The following KIF26B variants were observed in gnomAD, a reference collection of about 807,000 sequenced individuals.
KIF26B encodes kinesin family member 26B.
KIF26B carries 63 observed loss-of-function variants against 151.2 expected under a neutral mutation model. The ratio of observed to expected loss-of-function variants is 0.42; its 90% CI spans 0.34 to 0.51. KIF26B has a LOEUF of 0.51. KIF26B is among the 20% of genes least tolerant of loss of function. KIF26B has a pLI of 0.07. For synonymous variants in KIF26B, 1,357 were observed against 1,262.1 expected (o/e 1.08, Z -1.59); for missense variants, 2,813 against 2,913.6 (o/e 0.97, Z 0.79).
At chr1:245,528,000 C>T (rs1661278156) in intron 4 of KIF26B, among the ~76,000 whole-genome samples, 1 of 151,964 alleles carries the variant, frequency 6.6e-6, no homozygotes, top group Admixed American at 6.6e-5. Context: ...TGGGGGTGGG[C>T]AGATCAGGCC....
At chr1:245,338,860 C>T (rs1196502278) in intron 2 of KIF26B, among the ~76,000 whole-genome samples, 1 of 152,042 alleles carries the variant, frequency 6.6e-6, no homozygotes, top group East Asian at 1.9e-4. Flanking sequence ...TCCTAGCAGT[C>T]AGAAGGATTC....
At chr1:245,522,085 G>A (rs1247894939) in intron 4 of KIF26B, among the ~76,000 whole-genome samples, 1 of 152,106 alleles carries the variant, frequency 6.6e-6, no homozygotes, top group Admixed American at 6.6e-5. Context: ...TAGCCAGGAT[G>A]GTCTCGATCT....
At chr1:245,232,318 G>T (rs1033446759) in intron 2 of KIF26B, among the ~76,000 whole-genome samples, 8 of 152,146 alleles carry the variant, frequency 5.3e-5, no homozygotes, top group Non-Finnish European at 1.0e-4. Context: ...AGATGAAAGG[G>T]TTTTCTAAGA....
At chr1:245,616,328 A>G (rs2043590204) in intron 9 of KIF26B, among the ~76,000 whole-genome samples, 2 of 152,196 alleles carry the variant, frequency 1.3e-5, no homozygotes, top group African/African-American at 4.8e-5. Flanking sequence ...TGCGAAGCTA[A>G]ATCTGTAATA....
intron 4 of KIF26B, among the ~76,000 whole-genome samples, chr1:245,492,151 G>A (rs1660421169): frequency 6.6e-6 from 1 of 152,194 alleles, no homozygotes; most frequent in African/African-American, 2.4e-5. Context: ...CAATGCTGTT[G>A]TACTCTCTGC....
At chr1:245,259,981 T>C (rs1397182003) in intron 2 of KIF26B, among the ~76,000 whole-genome samples, 2 of 151,332 alleles carry the variant, frequency 1.3e-5, no homozygotes, top group Non-Finnish European at 2.9e-5. Flanking sequence ...CTACTGAGTT[T>C]CTTGAAGTGT....
At chr1:245,386,968 G>C (rs149837038) in intron 3 of KIF26B, among the ~76,000 whole-genome samples, 49 of 152,192 alleles carry the variant, frequency 3.2e-4, no homozygotes, top group African/African-American at 1.2e-3. Context: ...CCATGGCAGG[G>C]GCACAGATAT....
rs1299322294 is a variant in KIF26B at position 245,393,902 on chromosome 1, G to A, written c.1000-25677G>A. On this transcript the variant is annotated intron_variant, in intron 3 of 14. Coordinates refer to ENST00000407071, the MANE Select transcript of KIF26B (RefSeq NM_018012.4). ...ACAAACCTTTAATCTCTGCCAGATG[G>A]GGAGGTACAGTCACCCAGCTACCTG... 2.6e-5 allele frequency among the ~76,000 whole-genome samples: 4 copies of A among 152,160 alleles called. No homozygotes were observed. The East Asian group carries it at 7.7e-4, about 29-fold the overall frequency.
chr1:245,551,580 C>T (rs1242295122), intron 5 of KIF26B, among the ~76,000 whole-genome samples: 1 of 152,170 alleles, frequency 6.6e-6, no homozygotes, highest in Non-Finnish European at 1.5e-5. Flanking sequence ...TAGCACCCTA[C>T]AGGGGGCTCA....
In KIF26B at chr1:245,520,568, TCATCCATC is replaced by T. The variant is rs74163061; in HGVS notation, c.1167-20172_1167-20165del. Among the ~76,000 whole-genome samples the T allele has an allele frequency of 6.1e-3, 655 of 107,924 alleles. 5 individuals carry two copies. Among genetic ancestry groups the T allele is most frequent in the Middle Eastern group, 0.019 (4 of 212 alleles). The allele number at this position is 107,924 out of a possible 152,430, so 70.8% of individuals were successfully genotyped here. On this transcript the variant is annotated intron_variant, in intron 4 of 14. Transcript: ENST00000407071. ...CCCATTCATCCATCCATCCACCCAT[TCATCCATC>T]CATCCATCCATCCATCCATCCATCC...
At chr1:245,393,474 G>T (rs10924189) in intron 3 of KIF26B, among the ~76,000 whole-genome samples, 26,461 of 151,926 alleles carry the variant, frequency 0.17, 3,982 homozygotes, top group African/African-American at 0.4. Flanking sequence ...CTGTTGTTTT[G>T]TTTTCTTCTC....
Position 245,687,068 on chromosome 1 carries a change from T to G in KIF26B, c.4085T>G (p.Ile1362Arg). ...NKAAPIKGCK[I>R]STVSKAMVTI... ...GCAGCCCCCATCAAAGGCTGCAAAA[T>G]ATCCACAGTGAGCAAGGCCATGGTC... The change falls in exon 12 of 15, where the codon ATA becomes AGA. Residue 1362 changes from isoleucine (I) to arginine (R), a missense_variant. Physicochemically the swap from Ile to Arg is moderately conservative, Grantham distance 97 (BLOSUM62 -3). Around this residue, in one of 3 missense-constraint regions of KIF26B, gnomAD observed 2,060 missense variants for 2,088.6 expected, o/e 0.99. Transcript: ENST00000407071. This position sits in a 1 kb window ranked among gnomAD's most constrained non-coding sequence, Gnocchi z 4.9. 6.2e-7 allele frequency: 1 copy of G among 1,613,282 alleles called. No homozygotes were observed. The highest frequency in any genetic ancestry group is 8.5e-7 in the Non-Finnish European group (1 of 1,179,784).
chr1:245,522,082 G>C (rs973926206), intron 4 of KIF26B, among the ~76,000 whole-genome samples: 3 of 152,056 alleles, frequency 2.0e-5, no homozygotes, highest in African/African-American at 7.2e-5. Flanking sequence ...TGTTAGCCAG[G>C]ATGGTCTCGA....
rs61541280 is a variant in KIF26B at position 245,203,255 on chromosome 1, A to AAAAAAAAAAAAAAAAG, written c.465+46576_465+46577insAAAAAAAAAAAGAAAA. On this transcript the variant is annotated intron_variant, in intron 2 of 14. Transcript: ENST00000407071. Reference sequence around the variant, plus strand: ...GAGCGCGACTCTGTCTCAAAAAAAAAAAAAGAAAATGAGTTAAAGTTACAA... The same window carrying AAAAAAAAAAAAAAAAG: ...GAGCGCGACTCTGTCTCAAAAAAAAAAAAAAAAAAAAAAAAGAAAAGAAAATGAGTTAAAGTTACAA... Among the ~76,000 whole-genome samples, 114 of 129,660 alleles carry AAAAAAAAAAAAAAAAG rather than the reference A, an allele frequency of 8.8e-4. 3 individuals are homozygous for AAAAAAAAAAAAAAAAG. Among genetic ancestry groups the AAAAAAAAAAAAAAAAG allele is most frequent in the African/African-American group, 1.7e-3 (57 of 33,212 alleles). The allele number at this position is 129,660 out of a possible 152,430, so 85.1% of individuals were successfully genotyped here. A position where few individuals can be genotyped will look rare whatever the true frequency, so the allele number is the denominator to read the frequency against.
chr1:245,586,585 C>A (rs902675276), intron 5 of KIF26B, among the ~76,000 whole-genome samples: 1 of 152,176 alleles, frequency 6.6e-6, no homozygotes, highest in Non-Finnish European at 1.5e-5. Flanking sequence ...CCCTCAACTA[C>A]AGTCAAACAT....
chr1:245,380,601 G>T (rs1489530885), intron 3 of KIF26B, among the ~76,000 whole-genome samples: 1 of 152,226 alleles, frequency 6.6e-6, no homozygotes, highest in African/African-American at 2.4e-5. Context: ...GCCCAGGCCT[G>T]TCAGGCGACC....
Position 245,342,532 on chromosome 1 carries a change from T to C in KIF26B, c.466-24302T>C, listed in dbSNP as rs140105175. On this transcript the variant is annotated intron_variant, in intron 2 of 14. Transcript: ENST00000407071. ...CTAGTCATTTTGCTCCCTACCTTTC[T>C]TCTGAAGTCAATTCTGGTTTTTGTT... Among the ~76,000 whole-genome samples the C allele has an allele frequency of 6.8e-3, 1,036 of 152,278 alleles. 15 individuals are homozygous for C. Among genetic ancestry groups the C allele is most frequent in the African/African-American group, 0.022 (901 of 41,572 alleles).
At chr1:245,695,042 C>T (rs954695493) in intron 12 of KIF26B, among the ~76,000 whole-genome samples, 2 of 152,156 alleles carry the variant, frequency 1.3e-5, no homozygotes, top group African/African-American at 4.8e-5. Context: ...TTCCCCTGTA[C>T]CTTTCTTAGA....
rs143429943 is a variant in KIF26B, at chr1:245,375,328, C to T, written c.999+7961C>T. Among the ~76,000 whole-genome samples, 2,429 of 152,284 alleles carry T rather than the reference C, an allele frequency of 0.016. 59 individuals are homozygous for T. The highest frequency in any genetic ancestry group is 0.056 in the African/African-American group (2,316 of 41,550). The stretch of plus-strand genomic sequence containing the variant: ...CTGACCTCAGGTGATCTGCCTGCCT[C>T]AGCCTCCCAAAGTGCTGGGATTACA... On this transcript the variant is annotated intron_variant, in intron 3 of 14. Transcript: ENST00000407071. The surrounding 1 kb of genome is among the most constrained non-coding windows in gnomAD (Gnocchi z 4.2).
Sources: gnomAD v4.1 joint callset for allele counts (sites outside exome capture counted in the v4.1 genomes callset) on GRCh38, gnomAD v4.1.1 for gene constraint, gnomAD v4.1.1 regional missense constraint, Gnocchi (gnomAD v3.1) non-coding constraint, MANE v1.5 for transcripts, NCBI Gene and HGNC (gene_info 2026-07-23, HGNC 2026-07-21) for gene names.